KCNT2: variants seen among roughly 807,000 people sequenced by gnomAD.
KCNT2 encodes the protein potassium channel subfamily T member 2.
A neutral mutation model predicts 153.8 loss-of-function variants in KCNT2; 67 were observed. That is an observed-to-expected ratio of 0.44 (90% CI 0.36 to 0.53). The LOEUF is 0.53. Among genes scored for constraint, KCNT2 ranks in the 20% least tolerant of loss-of-function variants. KCNT2 has a pLI of 0.00. For missense variants in KCNT2, 975 were observed against 1,354.8 expected, an observed-to-expected ratio of 0.72 and a Z score of 4.40; for synonymous variants, 500 against 458.8, an observed-to-expected ratio of 1.09 and a Z score of -1.15.
intron 14 of KCNT2, among the ~76,000 whole-genome samples, chr1:196,359,846 T>G (rs1225882139): frequency 6.6e-6 from 1 of 151,844 alleles, no homozygotes; most frequent in East Asian, 1.9e-4. Flanking sequence ...ATCATGTAAT[T>G]TGGAGTACAT....
chr1:196,427,906 A>G (rs898492187), intron 10 of KCNT2, among the ~76,000 whole-genome samples, 199 bp downstream of exon 10: 3 of 152,122 alleles, frequency 2.0e-5, no homozygotes, highest in African/African-American at 7.2e-5. Flanking sequence ...ATACAGAAGG[A>G]AACTTAAAAT....
intron 12 of KCNT2, among the ~76,000 whole-genome samples, chr1:196,413,949 T>C (rs1194736480): frequency 6.6e-6 from 1 of 151,740 alleles, no homozygotes; most frequent in Non-Finnish European, 1.5e-5. Flanking sequence ...AGTTATTACA[T>C]TGTCATTAAG....
chr1:196,528,836 A>G (rs75919028), intron 1 of KCNT2, among the ~76,000 whole-genome samples: 1,710 of 152,270 alleles, frequency 0.011, 33 homozygotes, highest in African/African-American at 0.039. Flanking sequence ...AAACAGAAGC[A>G]GGCATTTTGA....
intron 22 of KCNT2, among the ~76,000 whole-genome samples, chr1:196,294,040 T>C (rs939014473): frequency 2.0e-5 from 3 of 151,846 alleles, no homozygotes; most frequent in Non-Finnish European, 2.9e-5. Flanking sequence ...AAAAAGACAA[T>C]GGACCTACAG....
intron 14 of KCNT2, among the ~76,000 whole-genome samples, chr1:196,353,641 T>A (rs56186308): frequency 0.11 from 16,185 of 152,000 alleles, 1,231 homozygotes; most frequent in African/African-American, 0.22. Flanking sequence ...ATTTCTCACT[T>A]AACAATGATT....
At chr1:196,250,849 T>C (rs1655900591) in intron 26 of KCNT2, among the ~76,000 whole-genome samples, 1 of 151,960 alleles carries the variant, frequency 6.6e-6, no homozygotes, top group Admixed American at 6.6e-5. Flanking sequence ...GACATATCAA[T>C]GAAAAACAGG....
At chr1:196,231,258 C>A (rs1263199174) in intron 27 of KCNT2, among the ~76,000 whole-genome samples, 1 of 151,688 alleles carries the variant, frequency 6.6e-6, no homozygotes, top group African/African-American at 2.4e-5. Context: ...AAGTATAATG[C>A]AAACATAAAT....
chr1:196,395,054 T>C (rs1572291225), intron 13 of KCNT2, among the ~76,000 whole-genome samples: 1 of 151,352 alleles, frequency 6.6e-6, no homozygotes, highest in Admixed American at 6.6e-5. Context: ...CTACATTCAT[T>C]AAAATTATGA....
chr1:196,258,170 T>C, intron 26 of KCNT2, 24 bp downstream of exon 26: 1 of 1,610,096 alleles, frequency 6.2e-7, no homozygotes, highest in Non-Finnish European at 8.5e-7. Flanking sequence ...AGTCCATATA[T>C]ACAGTAGTTT....
intron 13 of KCNT2, among the ~76,000 whole-genome samples, chr1:196,389,070 G>A (rs1025851248): frequency 6.6e-6 from 1 of 151,640 alleles, no homozygotes; most frequent in Non-Finnish European, 1.5e-5. Flanking sequence ...TTTTTAAAAT[G>A]CGGTTATTGC....
intron 17 of KCNT2, among the ~76,000 whole-genome samples, chr1:196,331,973 G>T (rs1664511557): frequency 6.6e-6 from 1 of 152,004 alleles, no homozygotes; most frequent in South Asian, 2.1e-4. Flanking sequence ...CTGACTTTCA[G>T]AATGAAACTT....
intron 26 of KCNT2, among the ~76,000 whole-genome samples, chr1:196,237,706 T>G (rs1654567651): frequency 6.6e-6 from 1 of 151,880 alleles, no homozygotes; most frequent in Non-Finnish European, 1.5e-5. Context: ...ATATCTTTGT[T>G]GTTTATCAGA....
At chr1:196,397,432 C>T (rs1671037070) in intron 13 of KCNT2, among the ~76,000 whole-genome samples, 1 of 151,398 alleles carries the variant, frequency 6.6e-6, no homozygotes, top group Non-Finnish European at 1.5e-5. Context: ...AAGCCTTCTA[C>T]AAAAGAGGCA....
intron 25 of KCNT2, among the ~76,000 whole-genome samples, chr1:196,270,004 C>T (rs549822972): frequency 6.6e-6 from 1 of 152,132 alleles, no homozygotes; most frequent in Non-Finnish European, 1.5e-5. Context: ...GTCACTAATA[C>T]TATTTTTTAA....
chr1:196,546,461 C>T (rs1657119086), intron 1 of KCNT2, among the ~76,000 whole-genome samples: 1 of 152,008 alleles, frequency 6.6e-6, no homozygotes, highest in Admixed American at 6.6e-5. Flanking sequence ...TTTATATTAT[C>T]AACAGATGGA....
At chr1:196,246,189 T>C (rs534662301) in intron 26 of KCNT2, among the ~76,000 whole-genome samples, 1 of 152,306 alleles carries the variant, frequency 6.6e-6, no homozygotes, top group Admixed American at 6.5e-5. Context: ...AGTGGCATTA[T>C]GTATTTAAAG....
rs1668674192 is a variant in KCNT2 at position 196,373,152 on chromosome 1, G to C, written c.1391C>G (p.Thr464Ser). 1 of 1,503,250 alleles carries C rather than the reference G, an allele frequency of 6.7e-7. No homozygotes were observed. The allele number at this position is 1,503,250 out of a possible 1,614,324, so 93.1% of individuals were successfully genotyped here. The stretch of plus-strand genomic sequence containing the variant: ...AAAATATACTTACTGCCCTCTAGAG[G>C]TATGAACCAGTAGTGTAATAAGTGT... The part of the protein sequence containing the change: ...TSTLITLLVH[T>S]SRGQEGQQSP... Residue 464 changes from threonine (T) to serine (S), a missense_variant, in exon 14 of 28, where the codon ACC becomes AGC. Physicochemically the swap from Thr to Ser is moderately conservative, Grantham distance 58 (BLOSUM62 1). This residue lies in a region of KCNT2 where 325 missense variants were observed against 388.1 expected (regional missense o/e 0.84). Transcript: ENST00000294725.
chr1:196,556,553 A>C (rs1658693974), intron 1 of KCNT2, among the ~76,000 whole-genome samples: 1 of 151,442 alleles, frequency 6.6e-6, no homozygotes. Context: ...TAGCTCAACC[A>C]GTATAGAAAA....
intron 1 of KCNT2, among the ~76,000 whole-genome samples, chr1:196,509,684 G>T (rs1246441478): frequency 1.3e-5 from 2 of 152,106 alleles, no homozygotes; most frequent in Non-Finnish European, 2.9e-5. Context: ...TATTTATAAG[G>T]TATTGGTTCT....
Sources: gnomAD v4.1 joint callset for allele counts (sites outside exome capture counted in the v4.1 genomes callset) on GRCh38, gnomAD v4.1.1 for gene constraint, gnomAD v4.1.1 regional missense constraint, MANE v1.5 for transcripts, NCBI Gene and HGNC (gene_info 2026-07-23, HGNC 2026-07-21) for gene names.